The following AMOTL1 variants were observed in gnomAD, a reference collection of about 807,000 sequenced individuals.
AMOTL1 encodes the protein angiomotin-like protein 1.
AMOTL1 carries 45 observed loss-of-function variants against 102.9 expected under a neutral mutation model. That is an observed-to-expected ratio of 0.44 (90% CI 0.34 to 0.56). The LOEUF (loss-of-function observed/expected upper bound fraction) is 0.56. Ranked by LOEUF, AMOTL1 falls within the 20% of genes least tolerant of loss-of-function variation. The pLI is 0.01. For missense variants in AMOTL1, 1,114 were observed against 1,225.6 expected (o/e 0.91, Z 1.36); for synonymous variants, 481 against 484.7 (o/e 0.99, Z 0.10).
At chr11:94,824,562 G>A (rs555565417) in intron 4 of AMOTL1, among the ~76,000 whole-genome samples, 4 of 152,278 alleles carry the variant, frequency 2.6e-5, no homozygotes, top group Admixed American at 2.0e-4. Flanking sequence ...CATGAACTTC[G>A]TGACGTAACA....
chr11:94,868,944 CAAA>C (rs199534531), intron 11 of AMOTL1, among the ~76,000 whole-genome samples: 1 of 125,832 alleles, frequency 7.9e-6, no homozygotes. Context: ...TTCTCCACTC[CAAA>C]AAAAAAAAAC....
chr11:94,800,567 T>A (rs190269817), intron 3 of AMOTL1, among the ~76,000 whole-genome samples: 1 of 152,306 alleles, frequency 6.6e-6, no homozygotes, highest in Non-Finnish European at 1.5e-5. Flanking sequence ...TTGTTAGCTG[T>A]CCTTGGGAGC....
intron 3 of AMOTL1, among the ~76,000 whole-genome samples, chr11:94,744,943 A>T (rs1950573151): frequency 6.6e-6 from 1 of 152,176 alleles, no homozygotes; most frequent in Admixed American, 6.5e-5. Context: ...ATGGTTTTTT[A>T]AATTTTTAAA....
intron 6 of AMOTL1, among the ~76,000 whole-genome samples, chr11:94,838,614 G>C (rs761753280): frequency 1.3e-5 from 2 of 152,130 alleles, no homozygotes; most frequent in Admixed American, 6.5e-5. Context: ...CAGGAACCTA[G>C]TCATGGAAAA....
At chr11:94,734,043 T>G (rs1950398006) in intron 2 of AMOTL1, among the ~76,000 whole-genome samples, 1 of 152,224 alleles carries the variant, frequency 6.6e-6, no homozygotes, top group African/African-American at 2.4e-5. Context: ...ATTTATATAT[T>G]TCCCAAAACA....
intron 3 of AMOTL1, among the ~76,000 whole-genome samples, chr11:94,757,149 C>T (rs1950736338): frequency 6.6e-6 from 1 of 152,074 alleles, no homozygotes; most frequent in African/African-American, 2.4e-5. Flanking sequence ...AACTATGTGT[C>T]TAGCACAGTC....
intron 1 of AMOTL1, among the ~76,000 whole-genome samples, chr11:94,770,898 A>C (rs1041487263): frequency 1.3e-5 from 2 of 152,156 alleles, no homozygotes; most frequent in African/African-American, 4.8e-5. Flanking sequence ...GGTAGAGCTC[A>C]GCTTTTCTGA....
At chr11:94,764,562 G>A (rs937889369), upstream of AMOTL1, among the ~76,000 whole-genome samples, 1 of 152,198 alleles carries the variant, frequency 6.6e-6, no homozygotes, top group African/African-American at 2.4e-5. Context: ...ATGGTCCCAG[G>A]TGAGGCTGTG....
chr11:94,759,041 G>A (rs4144617), intron 3 of AMOTL1, among the ~76,000 whole-genome samples: 14,730 of 152,066 alleles, frequency 0.097, 1,447 homozygotes, highest in East Asian at 0.28. Flanking sequence ...GTTTTTTTCT[G>A]AAGATCATAT....
At chr11:94,777,794 G>A (rs1326966261) in intron 1 of AMOTL1, among the ~76,000 whole-genome samples, 1 of 152,226 alleles carries the variant, frequency 6.6e-6, no homozygotes, top group East Asian at 1.9e-4. Context: ...AAATTAGGCA[G>A]AAATTTGGAT....
chr11:94,760,382 C>T (rs1057149163), intron 3 of AMOTL1, among the ~76,000 whole-genome samples: 5 of 152,178 alleles, frequency 3.3e-5, no homozygotes, highest in African/African-American at 9.7e-5. Context: ...GTAAAGGAGA[C>T]AAGTAACATT....
chr11:94,827,938 T>G (rs1951997462), intron 4 of AMOTL1, among the ~76,000 whole-genome samples: 1 of 152,210 alleles, frequency 6.6e-6, no homozygotes. Context: ...AATGCTTTTT[T>G]GGCCTTCTAA....
intron 9 of AMOTL1, among the ~76,000 whole-genome samples, chr11:94,861,968 G>A (rs926126961): frequency 6.6e-6 from 1 of 152,108 alleles, no homozygotes; most frequent in South Asian, 2.1e-4. Flanking sequence ...TCTAGGCCCA[G>A]CCTTGTTCTT....
At chr11:94,711,414 T>C (rs546718953) in intron 1 of AMOTL1, among the ~76,000 whole-genome samples, 1 of 152,254 alleles carries the variant, frequency 6.6e-6, no homozygotes, top group South Asian at 2.1e-4. Flanking sequence ...GTAATTGACA[T>C]TGGTACGATC....
intron 4 of AMOTL1, 30 bp from the exon 5 acceptor site, chr11:94,830,020 T>C: frequency 1.9e-6 from 3 of 1,562,808 alleles, no homozygotes; most frequent in Non-Finnish European, 2.6e-6. Flanking sequence ...ATGTCAAAGG[T>C]ACCACTTTAA....
chr11:94,866,350 A>G (rs1479696345), intron 11 of AMOTL1, 182 bp downstream of exon 11: 2 of 634,564 alleles, frequency 3.2e-6, no homozygotes, highest in Non-Finnish European at 5.4e-6. Context: ...TGTAAATTCT[A>G]AAGACTGCAC....
chr11:94,873,710 C>CT lies in AMOTL1; in HGVS notation c.*2916dup, dbSNP rs997353096. 2.0e-5 allele frequency: 3 copies of CT among 152,068 alleles called. No individual in the cohort carries two copies. The highest frequency in any genetic ancestry group is 7.2e-5 in the African/African-American group (3 of 41,384). 9.4% of individuals were successfully genotyped at this position (152,068 alleles called of 1,614,324 possible). A position where few individuals can be genotyped will look rare whatever the true frequency, so the allele number is the denominator to read the frequency against. ...GGCATAGACCCTGGCTGTACAGCCT[C>CT]TAACATGCGGCACTGCATCTTGGCA... is the stretch of plus-strand genomic sequence containing the variant. On this transcript the variant is annotated 3_prime_UTR_variant, in exon 13 of 13. Coordinates refer to ENST00000433060, the MANE Select transcript of AMOTL1 (RefSeq NM_130847.3).
At chr11:94,817,432 A>G (rs1951784936) in intron 3 of AMOTL1, among the ~76,000 whole-genome samples, 1 of 152,206 alleles carries the variant, frequency 6.6e-6, no homozygotes, top group Non-Finnish European at 1.5e-5. Flanking sequence ...ATGTAATAAA[A>G]TCATACAGGA....
rs980488708 is a variant in AMOTL1 at position 94,849,105 on chromosome 11, T to A, written c.1649-1009T>A. Among the ~76,000 whole-genome samples, 10 of 152,216 alleles carry A rather than the reference T, an allele frequency of 6.6e-5. 1 individual carries two copies. Among genetic ancestry groups the A allele is most frequent in the Admixed American group, 6.5e-4 (10 of 15,286 alleles). On this transcript the variant is annotated intron_variant, in intron 6 of 12. Coordinates refer to ENST00000433060, the MANE Select transcript of AMOTL1 (RefSeq NM_130847.3). ...ACTATTGTCATTCTATGCCTCATTT[T>A]CTATAAATATGGAGTAGTATGCATA...
Sources: gnomAD v4.1 joint callset for allele counts (sites outside exome capture counted in the v4.1 genomes callset) on GRCh38, gnomAD v4.1.1 for gene constraint, MANE v1.5 for transcripts, NCBI Gene and HGNC (gene_info 2026-07-23, HGNC 2026-07-21) for gene names.